The following GPHN variants were observed in gnomAD, a reference collection of about 807,000 sequenced individuals.
The protein encoded by GPHN is gephyrin.
Under a neutral mutation model 95.5 loss-of-function variants are expected in GPHN, and 17 were observed. The ratio of observed to expected loss-of-function variants is 0.18; its 90% CI spans 0.12 to 0.27. The LOEUF (loss-of-function observed/expected upper bound fraction) is 0.27, where lower values mean the gene tolerates loss of function less well. Ranked by LOEUF, GPHN falls within the 10% of genes least tolerant of loss-of-function variation. The probability of loss-of-function intolerance (pLI) is 1.00; values close to 1 mark genes in which losing one functional copy is unlikely to be tolerated. For synonymous variants in GPHN, 320 were observed against 322.5 expected (o/e 0.99, Z 0.08); for missense variants, 660 against 978.1 (o/e 0.67, Z 4.34).
chr14:67,403,969 C>T, the GPHN span, among the ~76,000 whole-genome samples: 2 of 152,208 alleles, frequency 1.3e-5, no homozygotes, highest in East Asian at 1.9e-4. Context: ...GGAAGGACCA[C>T]GTGAGCCTGG....
At chr14:67,145,557 A>C (rs992229921) in intron 18 of GPHN, among the ~76,000 whole-genome samples, 10 of 152,190 alleles carry the variant, frequency 6.6e-5, no homozygotes, top group African/African-American at 2.4e-4. Flanking sequence ...AGGAGCTGCT[A>C]ATTGTCCCTT....
intron 12 of GPHN, among the ~76,000 whole-genome samples, chr14:67,093,509 C>T (rs773355342): frequency 6.6e-6 from 1 of 152,028 alleles, no homozygotes; most frequent in Non-Finnish European, 1.5e-5. Context: ...CTATAGGATA[C>T]TTTCAGTGAA....
At chr14:67,623,590 G>A in the GPHN span, among the ~76,000 whole-genome samples, 1 of 130,474 alleles carries the variant, frequency 7.7e-6, no homozygotes, top group Non-Finnish European at 1.5e-5. Flanking sequence ...TCACCAGGCT[G>A]GAGTACAGTG....
chr14:67,364,555 C>A, the GPHN span: 1 of 477,562 alleles, frequency 2.1e-6, no homozygotes, highest in South Asian at 2.8e-5. Flanking sequence ...CCAAGCATTA[C>A]AAAAATGTTG....
chr14:66,842,934 G>A (rs1223282716), intron 4 of GPHN, among the ~76,000 whole-genome samples: 1 of 151,920 alleles, frequency 6.6e-6, no homozygotes, highest in Non-Finnish European at 1.5e-5. Context: ...GTTCTCTTGT[G>A]GATTCTCATT....
At chr14:66,634,315 G>T (rs1372968490) in intron 1 of GPHN, among the ~76,000 whole-genome samples, 1 of 151,556 alleles carries the variant, frequency 6.6e-6, no homozygotes, top group Non-Finnish European at 1.5e-5. Flanking sequence ...GAATGTTTTC[G>T]CATTGGTTCT....
chr14:66,690,624 G>A (rs2067705765), intron 2 of GPHN, among the ~76,000 whole-genome samples: 1 of 152,092 alleles, frequency 6.6e-6, no homozygotes. Context: ...ATCTATTATT[G>A]TATCAGAATT....
intron 9 of GPHN, among the ~76,000 whole-genome samples, chr14:66,987,670 A>G (rs1485102369): frequency 6.6e-6 from 1 of 152,010 alleles, no homozygotes; most frequent in African/African-American, 2.4e-5. Context: ...TCTCTAGGGG[A>G]TTTATAAGGA....
At chr14:66,947,345 C>T (rs1212559914) in intron 8 of GPHN, among the ~76,000 whole-genome samples, 1 of 152,200 alleles carries the variant, frequency 6.6e-6, no homozygotes, top group Admixed American at 6.5e-5. Context: ...CAGTTATTCT[C>T]TATCATTGCA....
At chr14:67,172,459 A>G (rs1461557105) in intron 21 of GPHN, among the ~76,000 whole-genome samples, 1 of 152,098 alleles carries the variant, frequency 6.6e-6, no homozygotes, top group Non-Finnish European at 1.5e-5. Context: ...AGCACCCTCT[A>G]TCCCAGAGAA....
At chr14:67,382,087 C>G in the GPHN span, among the ~76,000 whole-genome samples, 1 of 152,052 alleles carries the variant, frequency 6.6e-6, no homozygotes, top group Non-Finnish European at 1.5e-5. Flanking sequence ...ATGGCTGTAA[C>G]TCAGAAGGAT....
At chr14:66,522,312 C>A (rs2058516406) in intron 1 of GPHN, among the ~76,000 whole-genome samples, 1 of 151,952 alleles carries the variant, frequency 6.6e-6, no homozygotes. Flanking sequence ...GTCTTTTTTT[C>A]TACAAATGGT....
intron 1 of GPHN, among the ~76,000 whole-genome samples, chr14:66,609,390 C>T (rs1400352097): frequency 1.3e-5 from 2 of 151,986 alleles, no homozygotes; most frequent in East Asian, 1.9e-4. Context: ...TCTTTAACAT[C>T]GGCCTTGGTG....
At chr14:67,347,075 C>T in the GPHN span, among the ~76,000 whole-genome samples, 4 of 152,200 alleles carry the variant, frequency 2.6e-5, no homozygotes, top group Non-Finnish European at 5.9e-5. Context: ...CAACTACCTC[C>T]CCAGCTCAAG....
At chr14:67,202,630 TTAAAC>T in the GPHN span, among the ~76,000 whole-genome samples, 1 of 152,190 alleles carries the variant, frequency 6.6e-6, no homozygotes, top group Admixed American at 6.5e-5. Context: ...TCTATGGAAT[TTAAAC>T]TAAAGACTAA....
At chr14:67,395,713 T>C in the GPHN span, 1 of 657,980 alleles carries the variant, frequency 1.5e-6, no homozygotes, top group Admixed American at 2.7e-5. Flanking sequence ...CTCGGCCACA[T>C]AGCAGGTAGT....
chr14:67,698,247 G>A, the GPHN span, among the ~76,000 whole-genome samples: 2 of 152,170 alleles, frequency 1.3e-5, no homozygotes, highest in African/African-American at 2.4e-5. Context: ...ATAATTTCAG[G>A]TGGTTTATAG....
chr14:67,402,607 C>T, the GPHN span, among the ~76,000 whole-genome samples: 1 of 152,156 alleles, frequency 6.6e-6, no homozygotes, highest in Non-Finnish European at 1.5e-5. Context: ...CTCTGGTAAC[C>T]ATCCTTCTAC....
At chr14:66,732,154 C>A (rs8012239) in intron 2 of GPHN, among the ~76,000 whole-genome samples, 47,268 of 152,044 alleles carry the variant, frequency 0.31, 11,169 homozygotes, top group African/African-American at 0.64. Context: ...GCTTTGGAGC[C>A]CCCACACAGA....
Sources: allele counts gnomAD v4.1 joint callset (sites outside exome capture counted in the v4.1 genomes callset), GRCh38; gene constraint gnomAD v4.1.1; transcripts MANE v1.5; gene names NCBI Gene and HGNC (gene_info 2026-07-23, HGNC 2026-07-21).